Variants in TCF25 observed in about 807,000 individuals in gnomAD.
TCF25 encodes TCF25 ribosome quality control complex subunit.
TCF25 carries 41 observed loss-of-function variants against 83.1 expected under a neutral mutation model. That is an observed-to-expected ratio of 0.49 (90% CI 0.38 to 0.64). The LOEUF (loss-of-function observed/expected upper bound fraction) is 0.64, where lower values mean the gene tolerates loss of function less well. Among genes scored for constraint, TCF25 ranks in the 30% least tolerant of loss-of-function variants. TCF25 has a pLI of 0.00. For synonymous variants in TCF25, 458 were observed against 365.0 expected (o/e 1.25, Z -2.90); for missense variants, 979 against 914.5 (o/e 1.07, Z -0.91).
intron 9 of TCF25, 71 bp from the exon 10 acceptor site, chr16:89,898,486 G>T: frequency 6.6e-7 from 1 of 1,519,412 alleles, no homozygotes; most frequent in Non-Finnish European, 9.1e-7. Flanking sequence ...AGTGGGTGCT[G>T]GCCGGGGCGC....
At chr16:89,908,618 A>T (rs920820304) in intron 16 of TCF25, among the ~76,000 whole-genome samples, 12 of 8,052 alleles carry the variant, frequency 1.5e-3, no homozygotes, top group South Asian at 4.2e-3. Flanking sequence ...CCCAGCTCCC[A>T]CCTCCCAGCT....
intron 1 of TCF25, among the ~76,000 whole-genome samples, chr16:89,881,072 G>T (rs1475577598): frequency 6.6e-6 from 1 of 152,146 alleles, no homozygotes; most frequent in African/African-American, 2.4e-5. Flanking sequence ...TTTTCTCAAC[G>T]GGCGTAAGTT....
At chr16:89,873,960 G>C in intron 1 of TCF25, 101 bp downstream of exon 1, 1 of 1,362,364 alleles carries the variant, frequency 7.3e-7, no homozygotes, top group Admixed American at 2.8e-5. Flanking sequence ...TGATGCCAGG[G>C]GTGGGAAGGG....
Position 89,910,633 on chromosome 16 carries a change from C to A in TCF25, c.1842C>A (p.Phe614Leu), listed in dbSNP as rs1166909626. The A allele has an allele frequency of 6.2e-7, 1 of 1,613,542 alleles. No homozygotes were observed. The highest frequency in any genetic ancestry group is 8.5e-7 in the Non-Finnish European group (1 of 1,179,958). ...ISHGNTIALF[F>L]RSLLPNYTME... ...ATGGAAACACCATTGCTCTCTTCTTCCGGTCACTGTTGCCAAACTATACCA... is the reference window on the plus strand; with the variant it reads ...ATGGAAACACCATTGCTCTCTTCTTACGGTCACTGTTGCCAAACTATACCA... Residue 614 changes from phenylalanine (F) to leucine (L), a missense_variant, in exon 17 of 18, where the codon TTC becomes TTA. Transcript: ENST00000263346.
At chr16:89,882,598 C>G (rs1209534519) in intron 1 of TCF25, among the ~76,000 whole-genome samples, 1 of 152,070 alleles carries the variant, frequency 6.6e-6, no homozygotes. Flanking sequence ...TTTTGTTTTT[C>G]TATTTTGAGA....
chr16:89,905,937 T>C (rs2270461), intron 14 of TCF25, among the ~76,000 whole-genome samples: 33,992 of 152,148 alleles, frequency 0.22, 6,149 homozygotes, highest in African/African-American at 0.5. Context: ...GCTACGGCTC[T>C]CATCGTTCTT....
intron 9 of TCF25, 81 bp downstream of exon 9, chr16:89,896,164 C>G: frequency 7.4e-7 from 1 of 1,348,188 alleles, no homozygotes; most frequent in Non-Finnish European, 1.0e-6. Context: ...CAGTGGGCAC[C>G]TCATGGCTGC....
chr16:89,887,844 A>G, intron 5 of TCF25, 127 bp downstream of exon 5: 5 of 815,300 alleles, frequency 6.1e-6, no homozygotes, highest in Non-Finnish European at 9.1e-6. Flanking sequence ...TGCACACGTA[A>G]CCCTTAGAAT....
intron 13 of TCF25, chr16:89,904,427 G>C (rs1396857618): frequency 3.4e-6 from 2 of 594,016 alleles, no homozygotes; most frequent in African/African-American, 3.7e-5. Context: ...GCTTAAAAAC[G>C]AGGCTCATAT....
At chr16:89,880,508 C>T (rs977637799) in intron 1 of TCF25, among the ~76,000 whole-genome samples, 3 of 152,008 alleles carry the variant, frequency 2.0e-5, no homozygotes, top group African/African-American at 4.8e-5. Flanking sequence ...CACTTGAATC[C>T]GGGAGGCGGA....
chr16:89,900,682 A>T lies in TCF25; in HGVS notation c.1269A>T (p.Pro423=), dbSNP rs201090603. The change falls in exon 12 of 18, where the codon CCA becomes CCT. Residue 423 remains proline (P), a synonymous_variant. Transcript: ENST00000263346. ...TCCCTAATTTTGCCTTCTCTGTTCCACTGGCGTATTTCCTGCTGAGCCAGC... is the reference window on the plus strand; with the variant it reads ...TCCCTAATTTTGCCTTCTCTGTTCCTCTGGCGTATTTCCTGCTGAGCCAGC... The part of the protein sequence containing the change: ...SQLPNFAFSV[P]LAYFLLSQQT... The T allele has an allele frequency of 6.2e-7, 1 of 1,603,626 alleles. No individual in the cohort carries two copies. Among genetic ancestry groups the T allele is most frequent in the Non-Finnish European group, 8.5e-7 (1 of 1,171,372 alleles).
At chr16:89,879,113 G>C (rs1217916985) in intron 1 of TCF25, among the ~76,000 whole-genome samples, 1 of 151,232 alleles carries the variant, frequency 6.6e-6, no homozygotes, top group Admixed American at 6.6e-5. Flanking sequence ...CACACGTGTT[G>C]TCCGTGTACA....
intron 9 of TCF25, among the ~76,000 whole-genome samples, chr16:89,897,359 C>G (rs2043944511): frequency 6.6e-6 from 1 of 152,226 alleles, no homozygotes; most frequent in Non-Finnish European, 1.5e-5. Flanking sequence ...CCTGTGGGCC[C>G]TTTGTGGAGC....
At chr16:89,902,695 A>C (rs2044440306) in intron 12 of TCF25, among the ~76,000 whole-genome samples, 1 of 131,530 alleles carries the variant, frequency 7.6e-6, no homozygotes, top group Non-Finnish European at 1.8e-5. Context: ...TCTCAAAAAA[A>C]AAGAAAAAAA....
chr16:89,880,180 C>G (rs996920159), intron 1 of TCF25, among the ~76,000 whole-genome samples: 13 of 151,762 alleles, frequency 8.6e-5, no homozygotes, highest in African/African-American at 2.2e-4. Flanking sequence ...TACACAGGCT[C>G]CTTTCCATTG....
At chr16:89,907,178 G>T in intron 15 of TCF25, 65 bp from the exon 16 acceptor site, 1 of 1,524,658 alleles carries the variant, frequency 6.6e-7, no homozygotes, top group Non-Finnish European at 9.1e-7. Context: ...GAAGGACTCT[G>T]CTGGGAGAGG....
At chr16:89,886,005 C>G (rs768584505) in intron 4 of TCF25, 39 bp downstream of exon 4, 3 of 1,556,142 alleles carry the variant, frequency 1.9e-6, no homozygotes, top group Non-Finnish European at 2.7e-6. Flanking sequence ...CCCTTCTCTG[C>G]GGCTGCCCTT....
intron 15 of TCF25, among the ~76,000 whole-genome samples, chr16:89,907,009 G>C (rs1407144014): frequency 6.6e-6 from 1 of 152,084 alleles, no homozygotes; most frequent in Non-Finnish European, 1.5e-5. Flanking sequence ...GTGCAGGGCA[G>C]ACGCCGTGCA....
chr16:89,897,327 G>T (rs1363075517), intron 9 of TCF25, among the ~76,000 whole-genome samples: 1 of 152,236 alleles, frequency 6.6e-6, no homozygotes, highest in African/African-American at 2.4e-5. Context: ...ACTGGCTTCC[G>T]CCAGGCCTTC....
Sources: allele counts gnomAD v4.1 joint callset (sites outside exome capture counted in the v4.1 genomes callset), GRCh38; gene constraint gnomAD v4.1.1; transcripts MANE v1.5; gene names NCBI Gene and HGNC (gene_info 2026-07-23, HGNC 2026-07-21).